FGGY: variants seen among roughly 807,000 people sequenced by gnomAD.
FGGY encodes the protein FGGY carbohydrate kinase domain-containing protein.
Under a neutral mutation model 71.3 loss-of-function variants are expected in FGGY, and 72 were observed. That is an observed-to-expected ratio of 1.01 (90% CI 0.84 to 1.23). FGGY has a LOEUF of 1.23. FGGY is among the 50% of genes most tolerant of loss of function. The probability of loss-of-function intolerance (pLI) is 0.00; values close to 1 mark genes in which losing one functional copy is unlikely to be tolerated. For missense variants in FGGY, 668 were observed against 682.3 expected, an observed-to-expected ratio of 0.98 and a Z score of 0.23; for synonymous variants, 251 against 250.3, an observed-to-expected ratio of 1.00 and a Z score of -0.02.
At chr1:59,564,991 G>C (rs1453661521) in intron 8 of FGGY, among the ~76,000 whole-genome samples, 2 of 152,308 alleles carry the variant, frequency 1.3e-5, no homozygotes, top group East Asian at 3.9e-4. Context: ...AAATGGTGCA[G>C]CTGTGTTTTA....
intron 5 of FGGY, among the ~76,000 whole-genome samples, chr1:59,441,308 G>A (rs976249366): frequency 1.3e-5 from 2 of 152,090 alleles, no homozygotes; most frequent in African/African-American, 2.4e-5. Flanking sequence ...CTGTGCAGGA[G>A]GGCACAGTTT....
chr1:59,697,599 T>C, intron 14 of FGGY: 1 of 1,075,340 alleles, frequency 9.3e-7, no homozygotes, highest in Middle Eastern at 2.3e-4. Context: ...ATAACCATCG[T>C]CGCTGTGAAG....
intron 14 of FGGY, among the ~76,000 whole-genome samples, chr1:59,678,700 T>A (rs1036916177): frequency 6.6e-6 from 1 of 152,038 alleles, no homozygotes; most frequent in African/African-American, 2.4e-5. Context: ...TTTATTCAAG[T>A]CTATTTAGAC....
chr1:59,707,725 C>T (rs1012726623), intron 14 of FGGY, among the ~76,000 whole-genome samples: 3 of 152,142 alleles, frequency 2.0e-5, no homozygotes, highest in African/African-American at 7.2e-5. Context: ...ACAGCCCATT[C>T]AAATGAAGCC....
chr1:59,497,838 G>A (rs371554769), intron 6 of FGGY, among the ~76,000 whole-genome samples: 32 of 152,272 alleles, frequency 2.1e-4, no homozygotes, highest in African/African-American at 7.7e-4. Flanking sequence ...TGTCGGCGCT[G>A]CTATTTCTGT....
chr1:59,402,864 G>A (rs1226733368), intron 5 of FGGY, among the ~76,000 whole-genome samples: 1 of 152,152 alleles, frequency 6.6e-6, no homozygotes, highest in Non-Finnish European at 1.5e-5. Context: ...TTCATTCTTA[G>A]TAGAGCTCTG....
intron 10 of FGGY, among the ~76,000 whole-genome samples, chr1:59,637,594 C>T (rs1481908574): frequency 6.6e-6 from 1 of 152,120 alleles, no homozygotes; most frequent in Non-Finnish European, 1.5e-5. Flanking sequence ...AAGACTGAAA[C>T]TCCATCTCAA....
chr1:59,532,764 C>T (rs1313535048), intron 7 of FGGY, among the ~76,000 whole-genome samples: 2 of 151,518 alleles, frequency 1.3e-5, no homozygotes, highest in Non-Finnish European at 2.9e-5. Context: ...TCCACAGGGC[C>T]TATCTAGTGC....
chr1:59,640,409 T>A (rs868239172), intron 11 of FGGY, among the ~76,000 whole-genome samples: 22 of 152,328 alleles, frequency 1.4e-4, no homozygotes, highest in Middle Eastern at 3.4e-3. Context: ...CAGCACTCAT[T>A]CAGCAAATAT....
chr1:59,477,390 G>A lies in FGGY; in HGVS notation c.670+20314G>A, dbSNP rs139917465. Reference sequence around the variant, plus strand: ...GAATCTGCATCAGAGGGCTGCAGTGGTCAGGGTGGCAGGTCACCAGTTGAC... The same window carrying A: ...GAATCTGCATCAGAGGGCTGCAGTGATCAGGGTGGCAGGTCACCAGTTGAC... On this transcript the variant is annotated intron_variant, in intron 6 of 15. Coordinates refer to ENST00000303721, the MANE Select transcript of FGGY (RefSeq NM_018291.5). Among the ~76,000 whole-genome samples the A allele has an allele frequency of 1.3e-4, 20 of 152,250 alleles. No individual in the cohort carries two copies. In the East Asian group the frequency reaches 3.9e-3, roughly 29 times the overall value.
At chr1:59,328,672 A>G (rs747113549) in intron 2 of FGGY, among the ~76,000 whole-genome samples, 1 of 152,132 alleles carries the variant, frequency 6.6e-6, no homozygotes, top group East Asian at 1.9e-4. Flanking sequence ...CCCTATGCCT[A>G]CTTGACTAAG....
chr1:59,663,781 G>C (rs144850593), intron 12 of FGGY, among the ~76,000 whole-genome samples: 1 of 152,148 alleles, frequency 6.6e-6, no homozygotes, highest in Non-Finnish European at 1.5e-5. Context: ...AAAAAAATGT[G>C]CATTTTAATG....
intron 3 of FGGY, 36 bp from the exon 4 acceptor site, chr1:59,346,211 G>A (rs746079979): frequency 1.9e-6 from 3 of 1,610,254 alleles, no homozygotes; most frequent in South Asian, 1.1e-5. Flanking sequence ...GGAAGAGAAT[G>A]TGTGTCCATC....
intron 4 of FGGY, among the ~76,000 whole-genome samples, chr1:59,359,170 A>G (rs2054919305): frequency 6.6e-6 from 1 of 152,092 alleles, no homozygotes; most frequent in Non-Finnish European, 1.5e-5. Context: ...ATTATTCATT[A>G]TTTTCTTAAT....
At chr1:59,656,332 T>A (rs1456166933) in intron 11 of FGGY, among the ~76,000 whole-genome samples, 1 of 152,218 alleles carries the variant, frequency 6.6e-6, no homozygotes, top group Non-Finnish European at 1.5e-5. Flanking sequence ...TCCTAGCCTT[T>A]TCAGCCATTT....
chr1:59,401,700 C>T (rs1224683885), intron 5 of FGGY, among the ~76,000 whole-genome samples: 1 of 152,228 alleles, frequency 6.6e-6, no homozygotes, highest in Non-Finnish European at 1.5e-5. Context: ...TTGTAAGCCA[C>T]TCAACAAGTA....
rs1310535449 is a variant in FGGY, at chr1:59,336,238, C to CT, written c.202-3717dup. 2.6e-5 allele frequency among the ~76,000 whole-genome samples: 4 copies of CT among 152,138 alleles called. No individual in the cohort carries two copies. The South Asian group carries it at 6.2e-4, about 24-fold the overall frequency. ...TAGCATCACTGTCAAATAGTCTGTC[C>CT]TTTCCCCCATTAAATTATATAGGCA... On this transcript the variant is annotated intron_variant, in intron 2 of 15. Coordinates refer to ENST00000303721, the MANE Select transcript of FGGY (RefSeq NM_018291.5).
rs1482333945 is a variant in FGGY, at chr1:59,753,826, G to A, written c.1513-4105G>A. ...ATTCTCATTATCCCTTTGCATTTGT[G>A]CAGTAGAGCTAGTTTTTCCCTGCTC... On this transcript the variant is annotated intron_variant, in intron 14 of 15. Coordinates refer to ENST00000303721, the MANE Select transcript of FGGY (RefSeq NM_018291.5). Among the ~76,000 whole-genome samples the A allele has an allele frequency of 3.9e-5, 6 of 151,976 alleles. No homozygotes were observed. The East Asian group carries it at 1.2e-3, about 29-fold the overall frequency.
intron 4 of FGGY, among the ~76,000 whole-genome samples, chr1:59,363,929 C>T (rs1286484004): frequency 5.3e-5 from 8 of 152,094 alleles, no homozygotes; most frequent in Non-Finnish European, 1.2e-4. Context: ...CCATGCCCAG[C>T]GGGAAATCAC....
Sources: allele counts gnomAD v4.1 joint callset (sites outside exome capture counted in the v4.1 genomes callset), GRCh38; gene constraint gnomAD v4.1.1; transcripts MANE v1.5; gene names NCBI Gene and HGNC (gene_info 2026-07-23, HGNC 2026-07-21).